The following ANKRD36C variants were observed in gnomAD, a reference collection of about 807,000 sequenced individuals.
ANKRD36C encodes the protein ankyrin repeat domain 36C, also known as ankyrin repeat domain-containing protein 36C.
ANKRD36C carries 61 observed loss-of-function variants against 276.4 expected under a neutral mutation model. That is an observed-to-expected ratio of 0.22 (90% CI 0.18 to 0.27). The LOEUF (loss-of-function observed/expected upper bound fraction) is 0.27, where lower values mean the gene tolerates loss of function less well. ANKRD36C is among the 10% of genes least tolerant of loss of function. ANKRD36C has a pLI of 1.00. For missense variants in ANKRD36C, 1,447 were observed against 2,032.3 expected (o/e 0.71, Z 5.54); for synonymous variants, 483 against 680.1 (o/e 0.71, Z 4.51).
chr2:95,886,603 C>G (rs1206050541), intron 50 of ANKRD36C, among the ~76,000 whole-genome samples: 3 of 151,700 alleles, frequency 2.0e-5, no homozygotes, highest in Non-Finnish European at 4.4e-5. Flanking sequence ...GTGGTACATG[C>G]ACCCGCATGA....
At chr2:95,887,753 G>A (rs186073767) in intron 50 of ANKRD36C, among the ~76,000 whole-genome samples, 172 bp downstream of exon 70, 1 of 151,740 alleles carries the variant, frequency 6.6e-6, no homozygotes, top group East Asian at 1.9e-4. Flanking sequence ...CAAAGATCGT[G>A]TCCAAGACCA....
chr2:95,923,951 T>A (rs1478180824), intron 30 of ANKRD36C, among the ~76,000 whole-genome samples: 1 of 151,682 alleles, frequency 6.6e-6, no homozygotes, highest in African/African-American at 2.4e-5. Flanking sequence ...AGTATCAATG[T>A]GAATATGTCG....
intron 5 of ANKRD36C, among the ~76,000 whole-genome samples, chr2:95,978,547 C>T (rs1195675020): frequency 1.3e-5 from 2 of 152,052 alleles, no homozygotes; most frequent in East Asian, 1.9e-4. Flanking sequence ...TTTACTATCT[C>T]CTTTCACTAG....
chr2:95,894,479 T>G (rs1454988044), intron 44 of ANKRD36C, among the ~76,000 whole-genome samples: 1 of 151,490 alleles, frequency 6.6e-6, no homozygotes, highest in African/African-American at 2.4e-5. Context: ...CATTAGATAT[T>G]GATAAGATTT....
rs1573809648 is a variant in ANKRD36C, at chr2:95,966,426, T to C, written c.800-3879A>G. On this transcript the variant is annotated intron_variant, in intron 6 of 66. Transcript: ENST00000456556. ...CCAACACAATTTATTAAATAGGGAA[T>C]CCTTACCCCATTCCTTTTGTCAGGT... Among the ~76,000 whole-genome samples the C allele has an allele frequency of 3.3e-5, 5 of 152,322 alleles. No homozygotes were observed. In the East Asian group the frequency reaches 9.6e-4, roughly 29 times the overall value.
intron 65 of ANKRD36C, 91 bp downstream of exon 85, chr2:95,852,035 C>T (rs1205092954): frequency 8.0e-6 from 11 of 1,369,472 alleles, no homozygotes; most frequent in Middle Eastern, 2.5e-4. Flanking sequence ...CAAAGACATA[C>T]TAATTATCAT....
chr2:95,910,238 T>G (rs1319811339), intron 42 of ANKRD36C, 135 bp downstream of exon 46: 3 of 1,081,412 alleles, frequency 2.8e-6, no homozygotes, highest in Non-Finnish European at 3.9e-6. Context: ...CCCAACAACT[T>G]ACTACAAATG....
chr2:95,884,829 A>G (rs1284817455), intron 52 of ANKRD36C, among the ~76,000 whole-genome samples: 4 of 144,718 alleles, frequency 2.8e-5, no homozygotes, highest in African/African-American at 8.7e-5. Flanking sequence ...AAGGTACACA[A>G]TTACAATGAC....
chr2:95,871,672 A>T (rs961517643), intron 59 of ANKRD36C, among the ~76,000 whole-genome samples: 5 of 152,164 alleles, frequency 3.3e-5, no homozygotes, highest in African/African-American at 1.2e-4. Context: ...AACAATATTA[A>T]CTTTAAATGT....
chr2:95,893,023 G>T (rs984763629), intron 44 of ANKRD36C, among the ~76,000 whole-genome samples: 1 of 150,626 alleles, frequency 6.6e-6, no homozygotes, highest in Non-Finnish European at 1.5e-5. Context: ...TTTCCTCAGC[G>T]GAAACCCCAA....
At chr2:95,942,945 C>A (rs1197802993) in intron 19 of ANKRD36C, among the ~76,000 whole-genome samples, 1 of 152,402 alleles carries the variant, frequency 6.6e-6, no homozygotes, top group South Asian at 2.1e-4. Context: ...AGAGATAATT[C>A]TGTGTACTCT....
chr2:95,875,603 C>T (rs562646524), intron 59 of ANKRD36C, among the ~76,000 whole-genome samples: 91 of 151,690 alleles, frequency 6.0e-4, no homozygotes, highest in African/African-American at 1.9e-3. Flanking sequence ...ATGGGTGCAG[C>T]GCACCAGCAT....
chr2:95,852,274 G>T lies in ANKRD36C; in HGVS notation c.5149-78C>A. The T allele has an allele frequency of 3.2e-6, 3 of 926,860 alleles. 1 individual carries two copies. In the South Asian group the frequency reaches 4.5e-5, roughly 14 times the overall value. The allele number at this position is 926,860 out of a possible 1,614,324, so 57.4% of individuals were successfully genotyped here. ...CAGTAGATGAATGAATCAACAAAAT[G>T]TATATAAAATATTTTAGACTATCAG... On this transcript the variant is annotated intron_variant, in intron 64 of 66. Transcript: ENST00000456556.
intron 42 of ANKRD36C, among the ~76,000 whole-genome samples, chr2:95,909,895 T>C (rs944489618): frequency 1.3e-5 from 2 of 149,620 alleles, no homozygotes; most frequent in Non-Finnish European, 3.0e-5. Context: ...CTGCCTCTTT[T>C]CACACCTTCC....
intron 3 of ANKRD36C, among the ~76,000 whole-genome samples, chr2:95,986,054 T>C (rs1054137707): frequency 1.3e-5 from 2 of 152,144 alleles, no homozygotes; most frequent in Non-Finnish European, 2.9e-5. Context: ...CCTACCAAAA[T>C]TGATCCCTGG....
intron 64 of ANKRD36C, 37 bp from the exon 85 acceptor site, chr2:95,852,233 T>G (rs748238737): frequency 4.2e-6 from 6 of 1,415,794 alleles, no homozygotes; most frequent in African/African-American, 2.8e-5. Flanking sequence ...CATTTGGAAA[T>G]GACCTAAATG....
intron 10 of ANKRD36C, among the ~76,000 whole-genome samples, chr2:95,959,612 T>C (rs1238556119): frequency 1.3e-5 from 2 of 152,076 alleles, no homozygotes; most frequent in East Asian, 3.9e-4. Context: ...AGTCAATTAA[T>C]GAATTCAACA....
chr2:95,874,347 C>T (rs2104304765), intron 59 of ANKRD36C, among the ~76,000 whole-genome samples: 1 of 152,262 alleles, frequency 6.6e-6, no homozygotes, highest in South Asian at 2.1e-4. Flanking sequence ...ACCAATGGAA[C>T]AGAATAGAGC....
At chr2:95,911,815 C>A (rs988308590) in intron 42 of ANKRD36C, among the ~76,000 whole-genome samples, 1 of 151,450 alleles carries the variant, frequency 6.6e-6, no homozygotes, top group African/African-American at 2.4e-5. Context: ...TTAATTGCTA[C>A]ATCAGGGGTC....
Sources: gnomAD v4.1 joint callset for allele counts (sites outside exome capture counted in the v4.1 genomes callset) on GRCh38, gnomAD v4.1.1 for gene constraint, MANE v1.5 for transcripts, NCBI Gene and HGNC (gene_info 2026-07-23, HGNC 2026-07-21) for gene names.